Variants in GARNL3 observed in about 807,000 individuals in gnomAD.
GARNL3 encodes GTPase-activating Rap/Ran-GAP domain-like protein 3.
GARNL3 carries 63 observed loss-of-function variants against 125.0 expected under a neutral mutation model. The ratio of observed to expected loss-of-function variants is 0.50; its 90% CI spans 0.41 to 0.62. GARNL3 has a LOEUF of 0.62. GARNL3 is among the 20% of genes least tolerant of loss of function. GARNL3 has a pLI of 0.00. For missense variants in GARNL3, 994 were observed against 1,244.0 expected, an observed-to-expected ratio of 0.80 and a Z score of 3.02; for synonymous variants, 439 against 457.5, an observed-to-expected ratio of 0.96 and a Z score of 0.52.
At chr9:127,300,010 A>G in intron 2 of GARNL3, 1 of 242,752 alleles carries the variant, frequency 4.1e-6, no homozygotes, top group Non-Finnish European at 8.4e-6. Context: ...GGCCATATAT[A>G]CATTTTTTTT....
rs948764038 is a variant in GARNL3 at position 127,239,051 on chromosome 9, G to A, written c.-28-4028G>A. ...TTACCAGTCCCACATTTTCCCATCA[G>A]TCCACCCAATTACCTGTTCCTGTGC... On this transcript the variant is annotated intron_variant, in intron 1 of 10. Coordinates refer to the GARNL3 transcript ENST00000439286. Among the ~76,000 whole-genome samples, 10 of 152,130 alleles carry A rather than the reference G, an allele frequency of 6.6e-5. No individual in the cohort carries two copies. In the South Asian group the frequency reaches 1.7e-3, roughly 25 times the overall value.
chr9:127,330,218 G>C (rs959031591), intron 7 of GARNL3, among the ~76,000 whole-genome samples: 1 of 152,214 alleles, frequency 6.6e-6, no homozygotes, highest in Non-Finnish European at 1.5e-5. Flanking sequence ...ATTCTAAGAG[G>C]ATCATATGTC....
chr9:127,255,887 G>T (rs2063487208), intron 2 of GARNL3, among the ~76,000 whole-genome samples: 1 of 152,146 alleles, frequency 6.6e-6, no homozygotes, highest in Non-Finnish European at 1.5e-5. Flanking sequence ...TCACTTCCTA[G>T]GGATTGCAGA....
chr9:127,256,564 T>G (rs1329694706), intron 2 of GARNL3, among the ~76,000 whole-genome samples: 1 of 152,230 alleles, frequency 6.6e-6, no homozygotes, highest in Non-Finnish European at 1.5e-5. Flanking sequence ...AGGGACCGCA[T>G]ATCTCAGGTT....
intron 16 of GARNL3, among the ~76,000 whole-genome samples, chr9:127,347,744 G>A (rs905962012): frequency 6.6e-6 from 1 of 151,958 alleles, no homozygotes; most frequent in Non-Finnish European, 1.5e-5. Flanking sequence ...AATTTTCTTG[G>A]GGAAACGTCA....
rs138200926 is a variant in GARNL3, at chr9:127,384,002, G to A, written c.2269+457G>A. On this transcript the variant is annotated intron_variant, in intron 23 of 27. Coordinates refer to ENST00000373387, the MANE Select transcript of GARNL3 (RefSeq NM_032293.5). The surrounding 1 kb of genome is among the most constrained non-coding windows in gnomAD (Gnocchi z 4.0). Reference sequence around the variant, plus strand: ...ACTAAAATGTCAGGACATGAGCGGCGATGCTTTGTGTTTGTGATTCAAGAT... The same window carrying A: ...ACTAAAATGTCAGGACATGAGCGGCAATGCTTTGTGTTTGTGATTCAAGAT... 2.6e-5 allele frequency among the ~76,000 whole-genome samples: 4 copies of A among 152,298 alleles called. No individual in the cohort carries two copies. Among genetic ancestry groups the A allele is most frequent in the East Asian group, 1.9e-4 (1 of 5,188 alleles).
chr9:127,263,901 T>C (rs2063645424), upstream of GARNL3: 1 of 1,449,416 alleles, frequency 6.9e-7, no homozygotes, highest in East Asian at 2.6e-5. Flanking sequence ...AGAGAGTCAG[T>C]TCTCTGGTTG....
intron 26 of GARNL3, 41 bp downstream of exon 26, chr9:127,389,160 A>T (rs773160974): frequency 5.9e-5 from 83 of 1,410,592 alleles, no homozygotes; most frequent in Non-Finnish European, 8.1e-5. Flanking sequence ...CTGTGAACAG[A>T]CCAGCTGGTT....
At chr9:127,389,921 TAAAAAA>T (rs1169168184) in intron 26 of GARNL3, among the ~76,000 whole-genome samples, 11 of 78,690 alleles carry the variant, frequency 1.4e-4, no homozygotes, top group South Asian at 5.7e-4. Context: ...ACCCTGTCTT[TAAAAAA>T]AAAAAAAAAA....
chr9:127,233,382 G>T (rs1034367681), intron 1 of GARNL3, among the ~76,000 whole-genome samples: 11 of 152,124 alleles, frequency 7.2e-5, no homozygotes, highest in African/African-American at 2.7e-4. Context: ...CATTCACAGA[G>T]ACCAAGAAGT....
intron 14 of GARNL3, 23 bp downstream of exon 14, chr9:127,342,357 CT>C: frequency 1.4e-6 from 2 of 1,459,634 alleles, no homozygotes; most frequent in Admixed American, 1.7e-5. Context: ...CCATGGTCTT[CT>C]TTCCTTCTTA....
At chr9:127,256,738 G>T (rs2063501596) in intron 2 of GARNL3, among the ~76,000 whole-genome samples, 1 of 152,172 alleles carries the variant, frequency 6.6e-6, no homozygotes, top group African/African-American at 2.4e-5. Flanking sequence ...GACATCTCAT[G>T]TACCCTTTAC....
intron 7 of GARNL3, among the ~76,000 whole-genome samples, chr9:127,330,639 G>T (rs1039027101): frequency 1.3e-5 from 2 of 152,228 alleles, no homozygotes; most frequent in African/African-American, 4.8e-5. Flanking sequence ...TGTAAATAGT[G>T]CTTCGAGGAG....
intron 4 of GARNL3, among the ~76,000 whole-genome samples, chr9:127,317,567 A>G (rs1478436103): frequency 1.3e-5 from 2 of 151,998 alleles, no homozygotes; most frequent in Non-Finnish European, 1.5e-5. Flanking sequence ...TCTACTAAAA[A>G]TTAGCCAGGC....
chr9:127,340,394 G>T (rs1230053467), intron 13 of GARNL3, among the ~76,000 whole-genome samples: 1 of 152,098 alleles, frequency 6.6e-6, no homozygotes, highest in East Asian at 1.9e-4. Flanking sequence ...GTAGTCCCAT[G>T]GTGGGACTGT....
chr9:127,238,745 C>CT (rs1246601126), intron 1 of GARNL3, among the ~76,000 whole-genome samples: 1 of 145,712 alleles, frequency 6.9e-6, no homozygotes, highest in African/African-American at 2.8e-5. Context: ...CTCTTGGTGT[C>CT]TTATTTTTCA....
At chr9:127,372,021 C>T (rs1313946101) in intron 22 of GARNL3, among the ~76,000 whole-genome samples, 1 of 152,194 alleles carries the variant, frequency 6.6e-6, no homozygotes, top group Non-Finnish European at 1.5e-5. Context: ...AAACCTCCGC[C>T]TCCTGGGTCC....
At chr9:127,311,813 T>G in intron 3 of GARNL3, 78 bp downstream of exon 3, 1 of 975,688 alleles carries the variant, frequency 1.0e-6, no homozygotes, top group Non-Finnish European at 1.6e-6. Flanking sequence ...TCTGGTATCC[T>G]ATATGAGTGA....
At chr9:127,261,770 A>G (rs1302683187), upstream of GARNL3, among the ~76,000 whole-genome samples, 1 of 151,924 alleles carries the variant, frequency 6.6e-6, no homozygotes, top group Non-Finnish European at 1.5e-5. Flanking sequence ...TTCTACCCAT[A>G]TTTCTTTGGC....
Sources: allele counts gnomAD v4.1 joint callset (sites outside exome capture counted in the v4.1 genomes callset), GRCh38; gene constraint gnomAD v4.1.1; non-coding constraint Gnocchi (gnomAD v3.1); transcripts MANE v1.5; gene names NCBI Gene and HGNC (gene_info 2026-07-23, HGNC 2026-07-21).